Variants in HPSE2 observed in about 807,000 individuals in gnomAD.
HPSE2 encodes the protein heparanase 2 (inactive), also known as inactive heparanase-2.
In HPSE2, 38 loss-of-function variants were observed where a neutral mutation model predicts 60.5. The observed-to-expected ratio is 0.63, with a 90% CI of 0.48 to 0.82. HPSE2 has a LOEUF of 0.82. Among genes scored for constraint, HPSE2 ranks in the 40% least tolerant of loss-of-function variants. HPSE2 has a pLI of 0.00. For synonymous variants in HPSE2, 295 were observed against 293.2 expected (o/e 1.01, Z -0.06); for missense variants, 713 against 740.4 (o/e 0.96, Z 0.43).
chr10:99,149,208 T>C (rs1403482401), intron 2 of HPSE2, among the ~76,000 whole-genome samples: 1 of 152,064 alleles, frequency 6.6e-6, no homozygotes, highest in African/African-American at 2.4e-5. Flanking sequence ...GTGAGAAAAC[T>C]TTTTTAACAA....
upstream of HPSE2, chr10:99,235,914 C>T (rs1849828357): frequency 5.0e-6 from 4 of 807,432 alleles, no homozygotes; most frequent in Non-Finnish European, 8.5e-6. Context: ...TCCCTTCCTC[C>T]CACCACCCCC....
intron 3 of HPSE2, 60 bp downstream of exon 3, chr10:99,144,178 C>T (rs1392416525): frequency 1.3e-6 from 2 of 1,531,312 alleles, no homozygotes; most frequent in Non-Finnish European, 9.0e-7. Context: ...AGATGTGTAC[C>T]CCAAAAAACA....
intron 2 of HPSE2, among the ~76,000 whole-genome samples, chr10:99,190,100 C>T (rs2133857613): frequency 6.6e-6 from 1 of 152,330 alleles, no homozygotes; most frequent in Non-Finnish European, 1.5e-5. Context: ...CATGTAGTGA[C>T]TTATCTAAAT....
intron 5 of HPSE2, among the ~76,000 whole-genome samples, chr10:98,694,285 A>G (rs1035675049): frequency 3.9e-5 from 6 of 152,188 alleles, no homozygotes; most frequent in Non-Finnish European, 7.4e-5. Flanking sequence ...CCCATTTCCT[A>G]TTCTCTAAGG....
intron 3 of HPSE2, among the ~76,000 whole-genome samples, chr10:99,035,449 T>C (rs1957588910): frequency 6.6e-6 from 1 of 152,238 alleles, no homozygotes; most frequent in Non-Finnish European, 1.5e-5. Flanking sequence ...TGCCTTCTTC[T>C]GGAATACCTT....
At chr10:99,229,276 G>C (rs1849573603) in intron 2 of HPSE2, among the ~76,000 whole-genome samples, 1 of 151,808 alleles carries the variant, frequency 6.6e-6, no homozygotes, top group South Asian at 2.1e-4. Context: ...TTTAACATTA[G>C]TACATAACAA....
chr10:99,085,152 AG>A (rs904713969), intron 3 of HPSE2, among the ~76,000 whole-genome samples: 2 of 152,242 alleles, frequency 1.3e-5, no homozygotes, highest in African/African-American at 4.8e-5. Context: ...GGCACTGCCC[AG>A]CAGCAGCAAA....
intron 3 of HPSE2, among the ~76,000 whole-genome samples, chr10:99,136,935 G>A (rs1490084866): frequency 2.0e-5 from 3 of 152,154 alleles, no homozygotes; most frequent in East Asian, 1.9e-4. Context: ...CAAATAGGAA[G>A]AGAGGAAGTC....
At chr10:99,160,296 A>G (rs1469184242) in intron 2 of HPSE2, among the ~76,000 whole-genome samples, 1 of 152,152 alleles carries the variant, frequency 6.6e-6, no homozygotes, top group Non-Finnish European at 1.5e-5. Flanking sequence ...CCAAAGACAT[A>G]CAAATGGCTA....
intron 7 of HPSE2, among the ~76,000 whole-genome samples, chr10:98,629,065 C>T (rs559923981): frequency 2.0e-5 from 3 of 152,328 alleles, no homozygotes; most frequent in Non-Finnish European, 4.4e-5. Flanking sequence ...TGGCTTCAGC[C>T]ACTGGCTGTG....
chr10:98,463,358 G>A (rs1940386654), intron 11 of HPSE2, among the ~76,000 whole-genome samples: 1 of 152,186 alleles, frequency 6.6e-6, no homozygotes, highest in East Asian at 1.9e-4. Context: ...GCATTGGTAG[G>A]GGGTTGCCAG....
Position 98,669,170 on chromosome 10 carries a change from A to G in HPSE2, c.1004+24730T>C, listed in dbSNP as rs142403438. Among the ~76,000 whole-genome samples, 451 of 152,352 alleles carry G rather than the reference A, an allele frequency of 3.0e-3. 1 individual carries two copies. Among genetic ancestry groups the G allele is most frequent in the Middle Eastern group, 0.014 (4 of 294 alleles). ...ACTAATCATTAGAGAAATGCAAATC[A>G]AAACCACAATAAGATGCCATCTCAT... On this transcript the variant is annotated intron_variant, in intron 6 of 11. Transcript: ENST00000370552.
chr10:98,948,894 TTATTA>T (rs1955267448), intron 3 of HPSE2, among the ~76,000 whole-genome samples: 2 of 152,302 alleles, frequency 1.3e-5, no homozygotes, highest in South Asian at 4.1e-4. Flanking sequence ...CTAGCTTACT[TTATTA>T]TAAGAATATA....
chr10:98,537,851 T>A lies in HPSE2; in HGVS notation c.1321-47655A>T, dbSNP rs181410418. ...CCCTCCCTGCGGTGCTGTGCTTCAGTGGTCACGCTCCTTGTCCACTTTCAT... is the reference window on the plus strand; with the variant it reads ...CCCTCCCTGCGGTGCTGTGCTTCAGAGGTCACGCTCCTTGTCCACTTTCAT... On this transcript the variant is annotated intron_variant, in intron 9 of 11. Coordinates refer to ENST00000370552, the MANE Select transcript of HPSE2 (RefSeq NM_021828.5). Among the ~76,000 whole-genome samples the A allele has an allele frequency of 2.1e-4, 32 of 152,392 alleles. 1 individual carries two copies. Among genetic ancestry groups the A allele is most frequent in the African/African-American group, 7.7e-4 (32 of 41,596 alleles).
intron 9 of HPSE2, among the ~76,000 whole-genome samples, chr10:98,584,400 C>G (rs1944884975): frequency 6.6e-6 from 1 of 152,182 alleles, no homozygotes; most frequent in Non-Finnish European, 1.5e-5. Flanking sequence ...AGTAACCTGA[C>G]TTTACCATTC....
At chr10:99,005,208 T>G (rs1956863621) in intron 3 of HPSE2, among the ~76,000 whole-genome samples, 1 of 152,080 alleles carries the variant, frequency 6.6e-6, no homozygotes, top group Non-Finnish European at 1.5e-5. Context: ...TTCCCAGATT[T>G]GAAAAGTTTT....
intron 10 of HPSE2, 77 bp from the exon 11 acceptor site, chr10:98,482,859 T>G: frequency 3.3e-6 from 5 of 1,494,924 alleles, no homozygotes; most frequent in Non-Finnish European, 4.6e-6. Context: ...ATTTATAGAC[T>G]GTACAAAATA....
chr10:98,662,837 T>C (rs1159215876), intron 6 of HPSE2, among the ~76,000 whole-genome samples: 1 of 152,198 alleles, frequency 6.6e-6, no homozygotes, highest in Non-Finnish European at 1.5e-5. Flanking sequence ...AATACATGCT[T>C]GAACAGTATA....
chr10:99,092,450 T>C (rs1179123657), intron 3 of HPSE2, among the ~76,000 whole-genome samples: 1 of 152,240 alleles, frequency 6.6e-6, no homozygotes, highest in East Asian at 1.9e-4. Context: ...GCACCTTCAC[T>C]GACCTTTGAA....
Sources: gnomAD v4.1 joint callset for allele counts (sites outside exome capture counted in the v4.1 genomes callset) on GRCh38, gnomAD v4.1.1 for gene constraint, MANE v1.5 for transcripts, NCBI Gene and HGNC (gene_info 2026-07-23, HGNC 2026-07-21) for gene names.